The following DSE variants were observed in gnomAD, a reference collection of about 807,000 sequenced individuals.
DSE encodes the protein dermatan-sulfate epimerase.
Under a neutral mutation model 84.4 loss-of-function variants are expected in DSE, and 36 were observed. The ratio of observed to expected loss-of-function variants is 0.43; its 90% CI spans 0.33 to 0.56. DSE has a LOEUF of 0.56. Ranked by LOEUF, DSE falls within the 20% of genes least tolerant of loss-of-function variation. DSE has a pLI of 0.06. For missense variants in DSE, 862 were observed against 1,169.6 expected, an observed-to-expected ratio of 0.74 and a Z score of 3.84; for synonymous variants, 410 against 430.1, an observed-to-expected ratio of 0.95 and a Z score of 0.58.
chr6:116,358,693 G>A (rs1157266363), intron 2 of DSE, among the ~76,000 whole-genome samples: 4 of 152,184 alleles, frequency 2.6e-5, no homozygotes, highest in Admixed American at 2.6e-4. Context: ...CAAAGATAGT[G>A]TATTGCTTTA....
chr6:116,353,008 CAGTCCCTTAATAGGG>C (rs1425371716), intron 2 of DSE, among the ~76,000 whole-genome samples: 2 of 152,174 alleles, frequency 1.3e-5, no homozygotes, highest in African/African-American at 4.8e-5. Flanking sequence ...GGACTTATAA[CAGTCCCTTAATAGGG>C]TAAGAGAGAG....
chr6:116,255,687 A>G (rs1469697134), intron 1 of DSE: 2 of 152,240 alleles, frequency 1.3e-5, no homozygotes, highest in Non-Finnish European at 2.9e-5. Context: ...ACTTTGAATT[A>G]TTGACACTGC....
intron 2 of DSE, among the ~76,000 whole-genome samples, chr6:116,409,506 C>G (rs1021492166): frequency 6.6e-6 from 1 of 152,146 alleles, no homozygotes; most frequent in Non-Finnish European, 1.5e-5. Context: ...GTCTCGATCT[C>G]CTGACCTCAT....
At chr6:116,360,146 T>A (rs1778807025) in intron 2 of DSE, among the ~76,000 whole-genome samples, 1 of 152,136 alleles carries the variant, frequency 6.6e-6, no homozygotes, top group African/African-American at 2.4e-5. Flanking sequence ...AAGTAGGAGC[T>A]GAATGATAAG....
rs1374837199 is a variant in DSE at position 116,435,759 on chromosome 6, G to T, written c.1291G>T (p.Val431Phe). 1 of 1,613,862 alleles carries T rather than the reference G, an allele frequency of 6.2e-7. No homozygotes were observed. The highest frequency in any genetic ancestry group is 1.3e-5 in the African/African-American group (1 of 74,864). ...GGGGGGACGTGCAATATATGACATTGTCCACAGAAACAAATACAAAGATTG... is the reference window on the plus strand; with the variant it reads ...GGGGGGACGTGCAATATATGACATTTTCCACAGAAACAAATACAAAGATTG... ...KLGGRAIYDI[V>F]HRNKYKDWIK... Residue 431 changes from valine to phenylalanine, a missense_variant, in exon 6 of 6, where the codon GTC becomes TTC. Around this residue, in one of 4 missense-constraint regions of DSE, gnomAD observed 309 missense variants for 516.9 expected, o/e 0.60. Transcript: ENST00000644252.
intron 2 of DSE, among the ~76,000 whole-genome samples, chr6:116,291,969 G>C (rs759858405): frequency 2.0e-5 from 3 of 152,190 alleles, no homozygotes; most frequent in Non-Finnish European, 4.4e-5. Flanking sequence ...AGTGGGAGGA[G>C]AGATCAACAG....
At chr6:116,314,414 A>G (rs769760554) in intron 2 of DSE, among the ~76,000 whole-genome samples, 1 of 152,194 alleles carries the variant, frequency 6.6e-6, no homozygotes, top group Non-Finnish European at 1.5e-5. Flanking sequence ...GTTATCTTGT[A>G]ACCCAAACAA....
chr6:116,263,813 G>T (rs1772509728), intron 2 of DSE, among the ~76,000 whole-genome samples: 1 of 152,030 alleles, frequency 6.6e-6, no homozygotes, highest in African/African-American at 2.4e-5. Flanking sequence ...AACAAATTTG[G>T]CATTTGCTTG....
chr6:116,310,757 TC>T (rs1562221464), intron 2 of DSE, among the ~76,000 whole-genome samples: 1 of 152,210 alleles, frequency 6.6e-6, no homozygotes, highest in Non-Finnish European at 1.5e-5. Context: ...TATCCCTGGT[TC>T]CACTGATCCT....
intron 2 of DSE, among the ~76,000 whole-genome samples, chr6:116,338,811 C>T (rs1056544879): frequency 6.6e-6 from 1 of 152,148 alleles, no homozygotes; most frequent in African/African-American, 2.4e-5. Context: ...TTTATTAAAA[C>T]GAAGCAACTT....
upstream of DSE, among the ~76,000 whole-genome samples, chr6:116,369,637 T>G (rs1381095673): frequency 6.6e-6 from 1 of 152,232 alleles, no homozygotes; most frequent in East Asian, 1.9e-4. Flanking sequence ...TCTTCTCTCC[T>G]CGACAGGCCT....
intron 2 of DSE, among the ~76,000 whole-genome samples, chr6:116,305,299 A>G (rs1016888216): frequency 2.6e-5 from 4 of 152,106 alleles, no homozygotes; most frequent in African/African-American, 9.7e-5. Flanking sequence ...TCTGTCATCT[A>G]TCCATTTCTT....
chr6:116,397,924 AACAC>A (rs1040019550), intron 1 of DSE, among the ~76,000 whole-genome samples: 7 of 152,186 alleles, frequency 4.6e-5, no homozygotes, highest in African/African-American at 1.7e-4. Context: ...TTTTCTTGGA[AACAC>A]ACACAGCAAG....
intron 2 of DSE, among the ~76,000 whole-genome samples, chr6:116,264,612 G>A (rs1772542552): frequency 6.6e-6 from 1 of 152,088 alleles, no homozygotes; most frequent in Non-Finnish European, 1.5e-5. Flanking sequence ...CCTTACTGGA[G>A]ATGTGAGCCC....
rs531566116 is a variant in DSE, at chr6:116,439,753, G to A, written c.*2408G>A. 2.0e-5 allele frequency: 3 copies of A among 152,264 alleles called. No individual in the cohort carries two copies. The highest frequency in any genetic ancestry group is 7.2e-5 in the African/African-American group (3 of 41,546). The allele number at this position is 152,264 out of a possible 1,614,324, so 9.4% of individuals were successfully genotyped here. ...GAGCTGTTGTTCAGGGGATTGGCAG[G>A]ACTCTTGGTCCTAGCCTTAAAGAAA... On this transcript the variant is annotated 3_prime_UTR_variant, in exon 6 of 6. Transcript: ENST00000644252.
At chr6:116,384,102 A>G (rs903645279) in intron 1 of DSE, among the ~76,000 whole-genome samples, 2 of 152,200 alleles carry the variant, frequency 1.3e-5, no homozygotes, top group African/African-American at 2.4e-5. Context: ...AATAATTACA[A>G]TCCTTGGGCA....
chr6:116,293,616 T>C (rs1426326939), intron 2 of DSE, among the ~76,000 whole-genome samples: 1 of 152,320 alleles, frequency 6.6e-6, no homozygotes, highest in Non-Finnish European at 1.5e-5. Flanking sequence ...TAAAATGAGC[T>C]AGAGGCCAGA....
At chr6:116,350,322 A>G (rs533206341) in intron 2 of DSE, among the ~76,000 whole-genome samples, 2 of 152,292 alleles carry the variant, frequency 1.3e-5, no homozygotes, top group African/African-American at 4.8e-5. Flanking sequence ...TTATTTCCCT[A>G]TAGAGTGGAA....
At chr6:116,421,005 G>T (rs1236759712) in intron 2 of DSE, among the ~76,000 whole-genome samples, 1 of 152,100 alleles carries the variant, frequency 6.6e-6, no homozygotes, top group Non-Finnish European at 1.5e-5. Context: ...CAAAAATTTG[G>T]ATTAATGAGA....
Sources: gnomAD v4.1 joint callset for allele counts (sites outside exome capture counted in the v4.1 genomes callset) on GRCh38, gnomAD v4.1.1 for gene constraint, gnomAD v4.1.1 regional missense constraint, MANE v1.5 for transcripts, NCBI Gene and HGNC (gene_info 2026-07-23, HGNC 2026-07-21) for gene names.